The following LTF variants were observed in gnomAD, a reference collection of about 807,000 sequenced individuals.
LTF encodes the protein lactotransferrin.
Under a neutral mutation model 87.2 loss-of-function variants are expected in LTF, and 91 were observed. That is an observed-to-expected ratio of 1.04 (90% CI 0.88 to 1.24). The LOEUF is 1.24. Ranked by LOEUF, LTF falls within the 50% of genes most tolerant of loss-of-function variation. The pLI is 0.00. For synonymous variants in LTF, 378 were observed against 356.1 expected (o/e 1.06, Z -0.69); for missense variants, 901 against 904.3 (o/e 1.00, Z 0.05).
chr3:46,441,312 T>C (rs1173255179), intron 14 of LTF, 104 bp downstream of exon 14: 5 of 825,568 alleles, frequency 6.1e-6, no homozygotes, highest in Non-Finnish European at 9.7e-6. Context: ...ATCACAAATA[T>C]GGAAAATGTT....
At chr3:46,480,588 G>A (rs1332914664) in intron 1 of LTF, among the ~76,000 whole-genome samples, 2 of 152,190 alleles carry the variant, frequency 1.3e-5, no homozygotes, top group Admixed American at 6.5e-5. Context: ...CCTGCTTGTG[G>A]TCAATTGTTG....
chr3:46,455,434 T>C lies in LTF; in HGVS notation c.508A>G (p.Arg170Gly). The C allele has an allele frequency of 6.2e-7, 1 of 1,614,214 alleles. No individual in the cohort carries two copies. The highest frequency in any genetic ancestry group is 1.1e-5 in the South Asian group (1 of 91,088). The change falls in exon 5 of 17, where the codon AGG becomes GGG. Residue 170 changes from arginine (R) to glycine (G), a missense_variant. Arg to Gly is a moderately radical substitution (Grantham distance 125). Coordinates refer to ENST00000231751, the MANE Select transcript of LTF (RefSeq NM_002343.6). ...GGAACACAGCTGGCTGAGAAGAACC[T>C]GGCCACAGCTGTTAAACACAGAGAA... is the stretch of plus-strand genomic sequence containing the variant. Reference protein sequence around the residue: ...PPEPIEAAVARFFSASCVPGA... With the variant: ...PPEPIEAAVAGFFSASCVPGA...
At chr3:46,448,826 C>A (rs754601475) in intron 9 of LTF, 37 bp downstream of exon 9, 4 of 1,603,234 alleles carry the variant, frequency 2.5e-6, no homozygotes, top group South Asian at 1.1e-5. Context: ...GGTCTTCCAC[C>A]GGGCCCACCG....
rs372739396 is a variant in LTF, at chr3:46,450,479, C to A, written c.882+16G>T. ...CCCATATCCAAGCAAGTGGGGAGGA[C>A]CGTGGGTGAAGATACCTGTGCCTGG... On this transcript the variant is annotated intron_variant, in intron 7 of 16. Coordinates refer to ENST00000231751, the MANE Select transcript of LTF (RefSeq NM_002343.6). 2.3e-5 allele frequency: 36 copies of A among 1,597,072 alleles called. No individual in the cohort carries two copies. In the Admixed American group the frequency reaches 4.3e-4, roughly 19 times the overall value.
chr3:46,482,910 G>C (rs866019326), intron 1 of LTF, among the ~76,000 whole-genome samples: 21 of 152,142 alleles, frequency 1.4e-4, no homozygotes, highest in African/African-American at 5.1e-4. Context: ...AAGAAAGAAA[G>C]AAAAACATTT....
intron 14 of LTF, among the ~76,000 whole-genome samples, chr3:46,441,133 C>T (rs761053353): frequency 3.9e-5 from 6 of 151,970 alleles, no homozygotes; most frequent in Non-Finnish European, 7.4e-5. Flanking sequence ...GCCAGGGAGA[C>T]ATTTGCTACT....
intron 1 of LTF, among the ~76,000 whole-genome samples, chr3:46,480,804 C>T (rs964895475): frequency 6.6e-6 from 1 of 152,190 alleles, no homozygotes; most frequent in African/African-American, 2.4e-5. Flanking sequence ...CAGTGAAATA[C>T]AAGACGTGAG....
intron 11 of LTF, among the ~76,000 whole-genome samples, chr3:46,446,197 C>A (rs1230885369): frequency 1.3e-5 from 2 of 152,190 alleles, no homozygotes; most frequent in Non-Finnish European, 2.9e-5. Flanking sequence ...TAGCACCCCC[C>A]ATTCCATGAC....
rs556906387 is a variant in LTF, at chr3:46,451,346, TACTA to T, written c.704-677_704-674del. Among the ~76,000 whole-genome samples, 753 of 152,340 alleles carry T rather than the reference TACTA, an allele frequency of 4.9e-3. 6 individuals are homozygous for T. Among genetic ancestry groups the T allele is most frequent in the African/African-American group, 0.017 (706 of 41,588 alleles). Reference sequence around the variant, plus strand: ...ATAAATGCAAAATTTGTAAATAACGTACTAACTAACTCAATCTCACAGAGTATTT... The same window carrying T: ...ATAAATGCAAAATTTGTAAATAACGTACTAACTCAATCTCACAGAGTATTT... On this transcript the variant is annotated intron_variant, in intron 6 of 16. Transcript: ENST00000231751.
intron 16 of LTF, among the ~76,000 whole-genome samples, chr3:46,437,715 C>T (rs1320917565): frequency 6.6e-6 from 1 of 152,082 alleles, no homozygotes; most frequent in African/African-American, 2.4e-5. Context: ...CATGACAGTG[C>T]CATCACTATC....
intron 1 of LTF, among the ~76,000 whole-genome samples, chr3:46,476,127 T>A (rs1703356995): frequency 6.6e-6 from 1 of 152,218 alleles, no homozygotes; most frequent in Non-Finnish European, 1.5e-5. Flanking sequence ...ATCTAATTAC[T>A]TGGGAGTTTC....
At chr3:46,437,303 T>C (rs1702406672) in intron 16 of LTF, among the ~76,000 whole-genome samples, 1 of 150,462 alleles carries the variant, frequency 6.6e-6, no homozygotes. Flanking sequence ...GCATCTATGG[T>C]AACTGTCTAG....
intron 1 of LTF, among the ~76,000 whole-genome samples, chr3:46,463,236 A>G (rs34445409): frequency 0.061 from 9,257 of 152,314 alleles, 423 homozygotes; most frequent in South Asian, 0.15. Flanking sequence ...CATTCTGGGC[A>G]GACATGCAGT....
At chr3:46,467,983 C>A (rs1335394595), upstream of LTF, among the ~76,000 whole-genome samples, 1 of 152,210 alleles carries the variant, frequency 6.6e-6, no homozygotes, top group Non-Finnish European at 1.5e-5. Context: ...CAACCCTGAA[C>A]CTTTTCTCAT....
At chr3:46,463,479 G>T (rs771086815) in intron 1 of LTF, 25 of 985,648 alleles carry the variant, frequency 2.5e-5, no homozygotes, top group Non-Finnish European at 3.0e-5. Flanking sequence ...ACGGGGAGCA[G>T]GGCAGGAATT....
At chr3:46,467,071 G>A (rs1311539526), upstream of LTF, among the ~76,000 whole-genome samples, 1 of 152,178 alleles carries the variant, frequency 6.6e-6, no homozygotes, top group East Asian at 1.9e-4. Flanking sequence ...TGCTGTGCCT[G>A]TTGGAACAGC....
chr3:46,444,654 A>G (rs1413348914), intron 12 of LTF, among the ~76,000 whole-genome samples: 1 of 152,060 alleles, frequency 6.6e-6, no homozygotes, highest in Non-Finnish European at 1.5e-5. Flanking sequence ...AGGATCAAAA[A>G]CCCATGCAGT....
At chr3:46,454,898 C>A (rs6776379) in intron 5 of LTF, among the ~76,000 whole-genome samples, 19,238 of 152,244 alleles carry the variant, frequency 0.13, 1,490 homozygotes, top group Admixed American at 0.21. Flanking sequence ...GACACTGCAG[C>A]GGTCCTGCCC....
chr3:46,475,810 T>C (rs6441999), intron 1 of LTF, among the ~76,000 whole-genome samples: 125,809 of 152,184 alleles, frequency 0.83, 52,490 homozygotes, highest in East Asian at 0.99. Flanking sequence ...AGAAAACTGC[T>C]AACATTCAAA....
Sources: gnomAD v4.1 joint callset for allele counts (sites outside exome capture counted in the v4.1 genomes callset) on GRCh38, gnomAD v4.1.1 for gene constraint, MANE v1.5 for transcripts, NCBI Gene and HGNC (gene_info 2026-07-23, HGNC 2026-07-21) for gene names.